Variants in MAML3 observed in about 807,000 individuals in gnomAD.
MAML3 encodes the protein mastermind like transcriptional coactivator 3.
Under a neutral mutation model 101.9 loss-of-function variants are expected in MAML3, and 27 were observed. That is an observed-to-expected ratio of 0.27 (90% CI 0.20 to 0.37). The LOEUF is 0.37. Among genes scored for constraint, MAML3 ranks in the 10% least tolerant of loss-of-function variants. The pLI is 1.00. For synonymous variants in MAML3, 501 were observed against 555.9 expected, an observed-to-expected ratio of 0.90 and a Z score of 1.39; for missense variants, 1,316 against 1,444.9, an observed-to-expected ratio of 0.91 and a Z score of 1.45.
At chr4:139,769,916 C>CTTTTTTTTTTTTTTTTTTT (rs139445743) in intron 2 of MAML3, among the ~76,000 whole-genome samples, 2 of 132,276 alleles carry the variant, frequency 1.5e-5, no homozygotes, top group African/African-American at 5.8e-5. Context: ...CGCCCAGCCT[C>CTTTTTTTTTTTTTTTTTTT]TTTTTTTTTT....
intron 2 of MAML3, among the ~76,000 whole-genome samples, chr4:139,777,314 A>G (rs1158846809): frequency 6.6e-6 from 1 of 152,166 alleles, no homozygotes; most frequent in African/African-American, 2.4e-5. Context: ...CCAAGTAAAC[A>G]TTTCAAGAAA....
intron 1 of MAML3, among the ~76,000 whole-genome samples, chr4:139,921,678 C>G (rs1003429958): frequency 4.6e-5 from 7 of 152,116 alleles, no homozygotes; most frequent in African/African-American, 1.7e-4. Context: ...GAATCAGCTC[C>G]TCCTCTGACA....
At chr4:139,969,469 T>C (rs1011383111) in intron 1 of MAML3, among the ~76,000 whole-genome samples, 1 of 152,110 alleles carries the variant, frequency 6.6e-6, no homozygotes, top group Non-Finnish European at 1.5e-5. Flanking sequence ...TTTCAGCACA[T>C]TCTTTTGTCA....
At position 140,065,885 on chromosome 4, in the gene MAML3, C is replaced by T. The variant is rs1727529502; in HGVS notation, c.468+86975G>A. On this transcript the variant is annotated intron_variant, in intron 1 of 4. Transcript: ENST00000509479. ...TCCATAAGGAAACATACCACAGCAC[C>T]GCTCCTGGCATGAAGAGGCTGCTCA... 2.0e-5 allele frequency among the ~76,000 whole-genome samples: 3 copies of T among 152,160 alleles called. No individual in the cohort carries two copies. The South Asian group carries it at 6.2e-4, about 32-fold the overall frequency.
intron 1 of MAML3, among the ~76,000 whole-genome samples, chr4:139,919,809 C>T (rs62344951): frequency 0.21 from 32,411 of 152,126 alleles, 3,734 homozygotes; most frequent in Non-Finnish European, 0.26. Flanking sequence ...GTCATGTAAA[C>T]GACAAGAGGC....
At chr4:139,963,476 T>C (rs550341537) in intron 1 of MAML3, among the ~76,000 whole-genome samples, 131 of 152,306 alleles carry the variant, frequency 8.6e-4, no homozygotes, top group African/African-American at 2.8e-3. Context: ...AGTAGAACCA[T>C]GGTATCTTGT....
At chr4:139,802,009 G>T (rs558043593) in intron 2 of MAML3, among the ~76,000 whole-genome samples, 66 of 152,230 alleles carry the variant, frequency 4.3e-4, no homozygotes, top group African/African-American at 1.5e-3. Context: ...GATTCAGGGG[G>T]TTGTAATTAT....
intron 2 of MAML3, among the ~76,000 whole-genome samples, chr4:139,837,433 C>A (rs1196887842): frequency 3.4e-5 from 5 of 147,966 alleles, no homozygotes; most frequent in Admixed American, 3.4e-4. Context: ...GGGAAGTGGA[C>A]CTTGCAGTGA....
chr4:140,042,854 T>C (rs2110910733), intron 1 of MAML3, among the ~76,000 whole-genome samples: 1 of 152,186 alleles, frequency 6.6e-6, no homozygotes, highest in Middle Eastern at 3.4e-3. Context: ...AAACTTTACA[T>C]GAAGTTTGAA....
At chr4:140,026,538 GCCA>G (rs1211765437) in intron 1 of MAML3, among the ~76,000 whole-genome samples, 1 of 152,158 alleles carries the variant, frequency 6.6e-6, no homozygotes, top group Non-Finnish European at 1.5e-5. Flanking sequence ...ACAGCCCTGA[GCCA>G]CCACATCTGG....
chr4:139,993,298 G>A (rs1734716019), intron 1 of MAML3, among the ~76,000 whole-genome samples: 1 of 149,758 alleles, frequency 6.7e-6, no homozygotes, highest in Non-Finnish European at 1.5e-5. Flanking sequence ...GTTGCAGTGA[G>A]CTGAGATGGC....
At chr4:139,803,814 T>C (rs1184402620) in intron 2 of MAML3, among the ~76,000 whole-genome samples, 3 of 152,190 alleles carry the variant, frequency 2.0e-5, no homozygotes, top group Non-Finnish European at 4.4e-5. Context: ...CTCAATTTCA[T>C]AGAAGAGGAA....
At chr4:139,811,559 G>A (rs370757741) in intron 2 of MAML3, among the ~76,000 whole-genome samples, 96 of 152,304 alleles carry the variant, frequency 6.3e-4, no homozygotes, top group Non-Finnish European at 8.7e-4. Context: ...AGGCAGACCC[G>A]TATTACTATG....
At chr4:140,094,479 G>C (rs1042217208) in intron 1 of MAML3, among the ~76,000 whole-genome samples, 11 of 152,198 alleles carry the variant, frequency 7.2e-5, no homozygotes, top group African/African-American at 2.4e-4. Context: ...GCCACACACA[G>C]GGAAACTCGG....
chr4:139,906,844 G>A (rs1218376902), intron 1 of MAML3, among the ~76,000 whole-genome samples: 1 of 151,592 alleles, frequency 6.6e-6, no homozygotes, highest in Non-Finnish European at 1.5e-5. Flanking sequence ...CTGGGACAGA[G>A]TTTTTTCACC....
chr4:140,137,463 TCTTG>T (rs1197692361), intron 1 of MAML3, among the ~76,000 whole-genome samples: 5 of 152,214 alleles, frequency 3.3e-5, no homozygotes, highest in Admixed American at 6.5e-5. Flanking sequence ...TAAGCAATCC[TCTTG>T]CTTCTTCCTC....
intron 1 of MAML3, among the ~76,000 whole-genome samples, chr4:139,963,123 T>C (rs540496711): frequency 6.6e-6 from 1 of 152,286 alleles, no homozygotes; most frequent in East Asian, 1.9e-4. Context: ...TTCTCAAACT[T>C]TAATGTGCAT....
intron 1 of MAML3, among the ~76,000 whole-genome samples, chr4:140,054,928 T>C (rs1176793859): frequency 6.6e-6 from 1 of 152,214 alleles, no homozygotes; most frequent in Non-Finnish European, 1.5e-5. Flanking sequence ...AAGATAGAAA[T>C]TTTGTCTTCA....
intron 1 of MAML3, among the ~76,000 whole-genome samples, chr4:140,061,046 C>T (rs1231683203): frequency 6.6e-6 from 1 of 152,184 alleles, no homozygotes; most frequent in Non-Finnish European, 1.5e-5. Flanking sequence ...TTTATACAGT[C>T]AGGAGTGACA....
Sources: gnomAD v4.1 joint callset for allele counts (sites outside exome capture counted in the v4.1 genomes callset) on GRCh38, gnomAD v4.1.1 for gene constraint, MANE v1.5 for transcripts, NCBI Gene and HGNC (gene_info 2026-07-23, HGNC 2026-07-21) for gene names.